The following PCSK2 variants were observed in gnomAD, a reference collection of about 807,000 sequenced individuals.
PCSK2 encodes the protein proprotein convertase subtilisin/kexin type 2.
In PCSK2, 14 loss-of-function variants were observed where a neutral mutation model predicts 69.7. The observed-to-expected ratio is 0.20, with a 90% CI of 0.13 to 0.31. The LOEUF is 0.31. Ranked by LOEUF, PCSK2 falls within the 10% of genes least tolerant of loss-of-function variation. PCSK2 has a pLI of 1.00. For missense variants in PCSK2, 544 were observed against 842.5 expected, an observed-to-expected ratio of 0.65 and a Z score of 4.39; for synonymous variants, 307 against 320.7, an observed-to-expected ratio of 0.96 and a Z score of 0.46.
chr20:17,440,145 A>G, intron 8 of PCSK2, among the ~76,000 whole-genome samples: 1 of 152,238 alleles, frequency 6.6e-6, no homozygotes, highest in East Asian at 1.9e-4. Context: ...ACTTCAGACT[A>G]GTCGATGTCT....
intron 2 of PCSK2, among the ~76,000 whole-genome samples, chr20:17,298,566 C>T (rs1468378033): frequency 2.6e-5 from 4 of 152,134 alleles, no homozygotes; most frequent in Non-Finnish European, 2.9e-5. Context: ...GGTTTTGTGG[C>T]TCTTATGATA....
At chr20:17,369,716 G>T (rs1376599155) in intron 5 of PCSK2, among the ~76,000 whole-genome samples, 1 of 152,132 alleles carries the variant, frequency 6.6e-6, no homozygotes, top group Non-Finnish European at 1.5e-5. Context: ...GTACAGGGAG[G>T]GGGAAGAAGA....
intron 11 of PCSK2, chr20:17,479,078 T>C (rs2033342731): frequency 7.9e-7 from 1 of 1,272,100 alleles, no homozygotes; most frequent in African/African-American, 1.5e-5. Context: ...CCAACATTTT[T>C]AGTCAGTTAA....
At chr20:17,235,961 T>G (rs1468502807) in intron 1 of PCSK2, among the ~76,000 whole-genome samples, 1 of 152,098 alleles carries the variant, frequency 6.6e-6, no homozygotes, top group African/African-American at 2.4e-5. Context: ...TGTAATAACT[T>G]TGATATTTTT....
chr20:17,234,067 A>G (rs1986243107), intron 1 of PCSK2, among the ~76,000 whole-genome samples: 1 of 152,236 alleles, frequency 6.6e-6, no homozygotes, highest in South Asian at 2.1e-4. Context: ...ACATTAAGAC[A>G]CTGAGATTTG....
chr20:17,270,199 AT>A (rs879331364), intron 2 of PCSK2, among the ~76,000 whole-genome samples: 162 of 152,258 alleles, frequency 1.1e-3, no homozygotes, highest in African/African-American at 3.0e-3. Context: ...CTCAAAAAAA[AT>A]TTTTTTTAAT....
At chr20:17,236,905 G>A (rs73253480) in intron 1 of PCSK2, among the ~76,000 whole-genome samples, 1 of 152,106 alleles carries the variant, frequency 6.6e-6, no homozygotes, top group Non-Finnish European at 1.5e-5. Flanking sequence ...GGAAGGAAGA[G>A]GTGTTAGGAT....
At chr20:17,305,456 G>A (rs1210735475) in intron 2 of PCSK2, among the ~76,000 whole-genome samples, 3 of 152,168 alleles carry the variant, frequency 2.0e-5, no homozygotes, top group East Asian at 1.9e-4. Flanking sequence ...GGAAGGAATC[G>A]TGTGTAATCT....
intron 1 of PCSK2, among the ~76,000 whole-genome samples, chr20:17,253,083 T>A (rs1457360728): frequency 2.0e-5 from 3 of 152,340 alleles, no homozygotes; most frequent in East Asian, 3.9e-4. Flanking sequence ...AAATGATAAG[T>A]GTTCATAATC....
intron 5 of PCSK2, among the ~76,000 whole-genome samples, chr20:17,381,009 A>G (rs1356144422): frequency 6.6e-6 from 1 of 152,128 alleles, no homozygotes; most frequent in Non-Finnish European, 1.5e-5. Flanking sequence ...CTTTCATCAC[A>G]GGGTTGGCTC....
At chr20:17,479,338 CA>C in intron 11 of PCSK2, 1 of 754,662 alleles carries the variant, frequency 1.3e-6, no homozygotes, top group Non-Finnish European at 2.4e-6. Context: ...TAATCTTCAC[CA>C]CCTAAAACCC....
chr20:17,281,723 C>T (rs951337923), intron 2 of PCSK2, among the ~76,000 whole-genome samples: 1 of 152,178 alleles, frequency 6.6e-6, no homozygotes, highest in Non-Finnish European at 1.5e-5. Flanking sequence ...GTTAGCCAAG[C>T]AATTGCAGGC....
intron 2 of PCSK2, among the ~76,000 whole-genome samples, chr20:17,300,198 C>T (rs996884898): frequency 6.6e-6 from 1 of 152,222 alleles, no homozygotes; most frequent in African/African-American, 2.4e-5. Context: ...CATGAGTTAG[C>T]CCCAGCAGTC....
At chr20:17,309,040 G>C (rs190949955) in intron 2 of PCSK2, among the ~76,000 whole-genome samples, 65 of 152,302 alleles carry the variant, frequency 4.3e-4, no homozygotes, top group African/African-American at 1.5e-3. Flanking sequence ...AAGTCACATG[G>C]CAGAGGGAGT....
chr20:17,271,140 G>A (rs1011556762), intron 2 of PCSK2, among the ~76,000 whole-genome samples: 21 of 151,960 alleles, frequency 1.4e-4, no homozygotes, highest in African/African-American at 4.3e-4. Flanking sequence ...ATGCTATAAA[G>A]TGTTTGCAAG....
intron 10 of PCSK2, among the ~76,000 whole-genome samples, chr20:17,460,287 AAAG>A (rs1310242478): frequency 7.9e-5 from 12 of 152,322 alleles, no homozygotes; most frequent in African/African-American, 2.6e-4. Context: ...GAAAGAAAGA[AAAG>A]AAAGAAGGAA....
chr20:17,435,563 G>A (rs997344105), intron 7 of PCSK2, among the ~76,000 whole-genome samples: 1 of 152,188 alleles, frequency 6.6e-6, no homozygotes, highest in Non-Finnish European at 1.5e-5. Flanking sequence ...CCATGTTAGA[G>A]AGTGAGGCTT....
intron 1 of PCSK2, among the ~76,000 whole-genome samples, chr20:17,254,999 G>C (rs1987123003): frequency 6.6e-6 from 1 of 152,068 alleles, no homozygotes; most frequent in Admixed American, 6.5e-5. Context: ...AAATATAATT[G>C]ATTTTGCATG....
At chr20:17,267,706 T>A (rs554327568) in intron 2 of PCSK2, among the ~76,000 whole-genome samples, 31 of 152,306 alleles carry the variant, frequency 2.0e-4, no homozygotes, top group African/African-American at 7.2e-4. Flanking sequence ...CTGTTCGTGC[T>A]GTCATGCTTC....
Sources: allele counts gnomAD v4.1 joint callset (sites outside exome capture counted in the v4.1 genomes callset), GRCh38; gene constraint gnomAD v4.1.1; transcripts MANE v1.5; gene names NCBI Gene and HGNC (gene_info 2026-07-23, HGNC 2026-07-21).